Variants in GNAL observed in about 807,000 individuals in gnomAD.
GNAL encodes G protein subunit alpha L.
In GNAL, 18 loss-of-function variants were observed where a neutral mutation model predicts 55.1. The ratio of observed to expected loss-of-function variants is 0.33; its 90% confidence interval spans 0.23 to 0.48. The LOEUF is 0.48. Ranked by LOEUF, GNAL falls within the 20% of genes least tolerant of loss-of-function variation. GNAL has a pLI of 0.99. For synonymous variants in GNAL, 253 were observed against 237.0 expected (o/e 1.07, Z -0.62); for missense variants, 412 against 614.1 (o/e 0.67, Z 3.48).
intron 5 of GNAL, among the ~76,000 whole-genome samples, chr18:11,832,085 C>A (rs750100490): frequency 6.6e-6 from 1 of 152,174 alleles, no homozygotes; most frequent in Non-Finnish European, 1.5e-5. Flanking sequence ...CCCCAAAATG[C>A]ATTTCCTCTA....
At chr18:11,879,098 A>G (rs2036599651) in intron 11 of GNAL, among the ~76,000 whole-genome samples, 2 of 57,404 alleles carry the variant, frequency 3.5e-5, no homozygotes, top group Admixed American at 1.6e-4. Context: ...TAGAACTTAC[A>G]GTATAATAAA....
At chr18:11,794,666 A>G (rs1484769511) in intron 4 of GNAL, among the ~76,000 whole-genome samples, 2 of 151,844 alleles carry the variant, frequency 1.3e-5, no homozygotes, top group South Asian at 2.1e-4. Flanking sequence ...CAGTTACACA[A>G]CGCTGTAAAT....
chr18:11,825,103 T>C, intron 5 of GNAL, 88 bp downstream of exon 5: 1 of 760,430 alleles, frequency 1.3e-6, no homozygotes, highest in Non-Finnish European at 2.3e-6. Flanking sequence ...CTGAAGTTTC[T>C]TGAGTGCAAG....
At chr18:11,769,903 A>G (rs1409655902) in intron 4 of GNAL, among the ~76,000 whole-genome samples, 2 of 152,218 alleles carry the variant, frequency 1.3e-5, no homozygotes, top group Non-Finnish European at 2.9e-5. Flanking sequence ...TACGTAAATG[A>G]TGAACATTTT....
chr18:11,759,039 G>C (rs764890864), intron 4 of GNAL, among the ~76,000 whole-genome samples: 1 of 152,158 alleles, frequency 6.6e-6, no homozygotes, highest in Non-Finnish European at 1.5e-5. Context: ...CGGGCATGGT[G>C]GCGGGCGCCT....
intron 4 of GNAL, among the ~76,000 whole-genome samples, chr18:11,767,240 C>A (rs182170707): frequency 8.6e-5 from 13 of 151,250 alleles, no homozygotes; most frequent in African/African-American, 3.2e-4. Context: ...CACACCTGTT[C>A]TCTGTGCCCC....
At chr18:11,799,112 C>CA (rs111394630) in intron 4 of GNAL, among the ~76,000 whole-genome samples, 1,523 of 124,414 alleles carry the variant, frequency 0.012, 13 homozygotes, top group African/African-American at 0.034. Flanking sequence ...GAGTCTGTCT[C>CA]AAAAAAAAAA....
intron 5 of GNAL, among the ~76,000 whole-genome samples, chr18:11,835,949 AGCCTGGGT>A (rs2035488670): frequency 6.6e-6 from 1 of 152,130 alleles, no homozygotes; most frequent in Non-Finnish European, 1.5e-5. Context: ...GTTTGAGACC[AGCCTGGGT>A]AACATGTTGA....
intron 4 of GNAL, among the ~76,000 whole-genome samples, chr18:11,802,065 A>G (rs543239876): frequency 1.1e-4 from 17 of 152,170 alleles, no homozygotes; most frequent in Non-Finnish European, 2.1e-4. Flanking sequence ...TGTTTCCCTG[A>G]AAGTTTAGGG....
At chr18:11,870,016 G>T (rs2848463) in intron 9 of GNAL, among the ~76,000 whole-genome samples, 4 of 152,002 alleles carry the variant, frequency 2.6e-5, no homozygotes, top group Admixed American at 6.6e-5. Context: ...CTTTTACATC[G>T]TGTTAGGTAT....
At chr18:11,705,577 C>T (rs148792242) in intron 1 of GNAL, among the ~76,000 whole-genome samples, 8 of 152,186 alleles carry the variant, frequency 5.3e-5, no homozygotes, top group African/African-American at 9.6e-5. Context: ...CCACCAGCAG[C>T]GTACAAGGGT....
chr18:11,816,260 A>G (rs916470311), intron 4 of GNAL, among the ~76,000 whole-genome samples: 1 of 152,206 alleles, frequency 6.6e-6, no homozygotes, highest in African/African-American at 2.4e-5. Context: ...TGATATATCC[A>G]TAAAATGGAA....
intron 4 of GNAL, among the ~76,000 whole-genome samples, chr18:11,776,240 G>A (rs893952331): frequency 5.3e-5 from 8 of 152,074 alleles, no homozygotes; most frequent in Admixed American, 4.6e-4. Flanking sequence ...TGGCTCTGAC[G>A]ATACAAAATG....
chr18:11,786,494 G>A (rs1490230624), intron 4 of GNAL, among the ~76,000 whole-genome samples: 2 of 127,088 alleles, frequency 1.6e-5, no homozygotes, highest in African/African-American at 6.1e-5. Flanking sequence ...TGTCGCCCAG[G>A]CTGGAGTGCA....
chr18:11,881,166 C>A lies in GNAL; in HGVS notation c.*31C>A. ...CTGCCGCCACCCTGCGACGGAGCGG[C>A]GCCCCGGACTGCCTGACTGCCAGCC... is the stretch of plus-strand genomic sequence containing the variant. On this transcript the variant is annotated 3_prime_UTR_variant, in exon 12 of 12. Transcript: ENST00000334049. The surrounding 1 kb of genome is among the most constrained non-coding windows in gnomAD (Gnocchi z 4.8). 1 of 1,573,956 alleles carries A rather than the reference C, an allele frequency of 6.4e-7. No individual in the cohort carries two copies.
intron 5 of GNAL, among the ~76,000 whole-genome samples, chr18:11,846,464 T>TATACACACACACACACACACACAC (rs1555613166): frequency 7.1e-5 from 10 of 140,096 alleles, no homozygotes; most frequent in African/African-American, 2.7e-4. Flanking sequence ...TATATAAATA[T>TATACACACACACACACACACACAC]ACACACACAC....
intron 1 of GNAL, among the ~76,000 whole-genome samples, chr18:11,724,556 G>A (rs771317727): frequency 9.9e-5 from 15 of 152,172 alleles, no homozygotes; most frequent in East Asian, 1.9e-4. Flanking sequence ...TCGACCGATC[G>A]TAGGGAACTT....
At chr18:11,817,161 G>A (rs1568040296) in intron 4 of GNAL, among the ~76,000 whole-genome samples, 1 of 152,108 alleles carries the variant, frequency 6.6e-6, no homozygotes, top group Non-Finnish European at 1.5e-5. Flanking sequence ...ATTGAAGTAG[G>A]CTAAGTCCTA....
chr18:11,697,313 A>G (rs540764780), intron 1 of GNAL, among the ~76,000 whole-genome samples: 1 of 152,092 alleles, frequency 6.6e-6, no homozygotes, highest in Admixed American at 6.5e-5. Context: ...TGAGGTGGGC[A>G]GGTCACCTGA....
Sources: gnomAD v4.1 joint callset for allele counts (sites outside exome capture counted in the v4.1 genomes callset) on GRCh38, gnomAD v4.1.1 for gene constraint, Gnocchi (gnomAD v3.1) non-coding constraint, MANE v1.5 for transcripts, NCBI Gene and HGNC (gene_info 2026-07-23, HGNC 2026-07-21) for gene names.